The following CLEC16A variants were observed in gnomAD, a reference collection of about 807,000 sequenced individuals.
CLEC16A encodes protein CLEC16A.
In CLEC16A, 51 loss-of-function variants were observed where a neutral mutation model predicts 109.5. The observed-to-expected ratio is 0.47, with a 90% confidence interval of 0.37 to 0.59. The LOEUF (loss-of-function observed/expected upper bound fraction) is 0.59. Ranked by LOEUF, CLEC16A falls within the 20% of genes least tolerant of loss-of-function variation. The pLI is 0.00. For missense variants in CLEC16A, 1,339 were observed against 1,394.0 expected (o/e 0.96, Z 0.63); for synonymous variants, 673 against 564.2 (o/e 1.19, Z -2.73).
At position 11,166,433 on chromosome 16, in the gene CLEC16A, T is replaced by C. The variant is rs778274323; in HGVS notation, c.2687T>C (p.Leu896Pro). Residue 896 changes from leucine (L) to proline (P), a missense_variant, in exon 23 of 24, where the codon CTG (leucine) becomes CCG (proline). By Grantham distance (98) the Leu-to-Pro change is moderately conservative. Around this residue, in one of 3 missense-constraint regions of CLEC16A, gnomAD observed 1,061 missense variants for 1,006.8 expected, o/e 1.05. Transcript: ENST00000409790. ...QCINQHSSPS[L>P]SSQSPPSASG... Reference sequence around the variant, plus strand: ...ATAAACCAGCACAGCTCCCCGTCCCTGTCCTCACAGTCGCCACCCTCCGCC... The same window carrying C: ...ATAAACCAGCACAGCTCCCCGTCCCCGTCCTCACAGTCGCCACCCTCCGCC... 6 of 1,606,810 alleles carry C rather than the reference T, an allele frequency of 3.7e-6. No individual in the cohort carries two copies. Among genetic ancestry groups the C allele is most frequent in the Non-Finnish European group, 5.1e-6 (6 of 1,179,750 alleles).
intron 10 of CLEC16A, among the ~76,000 whole-genome samples, chr16:10,994,206 T>C (rs903278971): frequency 6.6e-6 from 1 of 152,246 alleles, no homozygotes; most frequent in Non-Finnish European, 1.5e-5. Context: ...TACCTTTGCA[T>C]GTTCCCCACT....
At chr16:11,071,989 T>C (rs1454988117) in intron 19 of CLEC16A, among the ~76,000 whole-genome samples, 3 of 152,158 alleles carry the variant, frequency 2.0e-5, no homozygotes, top group East Asian at 3.9e-4. Flanking sequence ...GGGTAAAGTG[T>C]CTGATGCCTA....
intron 19 of CLEC16A, among the ~76,000 whole-genome samples, chr16:11,120,332 C>A (rs1395380755): frequency 6.6e-6 from 1 of 152,218 alleles, no homozygotes; most frequent in East Asian, 1.9e-4. Context: ...TGGACAGATG[C>A]TTTATGTACT....
intron 10 of CLEC16A, among the ~76,000 whole-genome samples, chr16:10,986,801 C>G (rs1196731528): frequency 1.3e-5 from 2 of 150,022 alleles, no homozygotes; most frequent in African/African-American, 5.0e-5. Context: ...CTTTCTTTAT[C>G]CATTTATCCA....
At chr16:11,023,169 G>A (rs565081986) in intron 12 of CLEC16A, among the ~76,000 whole-genome samples, 5 of 147,370 alleles carry the variant, frequency 3.4e-5, no homozygotes, top group African/African-American at 7.5e-5. Context: ...AGCTTGGACC[G>A]TATTGTGTCT....
intron 18 of CLEC16A, among the ~76,000 whole-genome samples, chr16:11,058,085 C>G (rs537571940): frequency 6.6e-6 from 1 of 152,190 alleles, no homozygotes; most frequent in Admixed American, 6.5e-5. Context: ...GCCCAATGTG[C>G]CTACCAGGCC....
At chr16:11,145,659 T>C (rs1335796755) in intron 22 of CLEC16A, among the ~76,000 whole-genome samples, 1 of 152,238 alleles carries the variant, frequency 6.6e-6, no homozygotes, top group African/African-American at 2.4e-5. Context: ...CCCCCATCAG[T>C]CTTCCCTGGC....
At chr16:10,974,343 A>G (rs1208907682) in intron 7 of CLEC16A, among the ~76,000 whole-genome samples, 1 of 152,176 alleles carries the variant, frequency 6.6e-6, no homozygotes, top group Non-Finnish European at 1.5e-5. Context: ...ATACTTCAAT[A>G]AATCTCTTTT....
chr16:11,045,371 C>A (rs933726972), intron 16 of CLEC16A, among the ~76,000 whole-genome samples: 2 of 152,104 alleles, frequency 1.3e-5, no homozygotes, highest in Non-Finnish European at 2.9e-5. Context: ...AAGAAATTTA[C>A]TTCTGTCAGT....
chr16:11,168,600 C>T (rs1039368334), intron 23 of CLEC16A, among the ~76,000 whole-genome samples: 4 of 152,366 alleles, frequency 2.6e-5, no homozygotes, highest in African/African-American at 9.6e-5. Flanking sequence ...CAGGATGCAG[C>T]TATTGATCCC....
chr16:11,044,216 T>C, intron 16 of CLEC16A, 144 bp downstream of exon 16: 1 of 647,318 alleles, frequency 1.5e-6, no homozygotes, highest in East Asian at 3.2e-5. Flanking sequence ...CTCAATTTCA[T>C]AGTCCCTAGA....
At chr16:11,053,912 G>C (rs1467824747) in intron 18 of CLEC16A, among the ~76,000 whole-genome samples, 1 of 152,228 alleles carries the variant, frequency 6.6e-6, no homozygotes, top group African/African-American at 2.4e-5. Flanking sequence ...GGTCAAAGTG[G>C]GAAGAGACAG....
At chr16:11,175,293 A>T (rs2068701564) in intron 23 of CLEC16A, among the ~76,000 whole-genome samples, 1 of 152,152 alleles carries the variant, frequency 6.6e-6, no homozygotes, top group Non-Finnish European at 1.5e-5. Context: ...TCCGCTGCTT[A>T]TGGAAACGTG....
chr16:11,075,068 G>A (rs1297327148), intron 19 of CLEC16A, among the ~76,000 whole-genome samples: 1 of 152,156 alleles, frequency 6.6e-6, no homozygotes, highest in East Asian at 1.9e-4. Flanking sequence ...TCCGGCCTGG[G>A]CAATCGAGCA....
chr16:10,988,842 C>G (rs953419829), intron 10 of CLEC16A, among the ~76,000 whole-genome samples: 4 of 152,152 alleles, frequency 2.6e-5, no homozygotes, highest in Non-Finnish European at 5.9e-5. Flanking sequence ...GTGCTTACTC[C>G]AAAGCCTTTT....
chr16:10,956,067 G>A (rs967462613), intron 1 of CLEC16A, among the ~76,000 whole-genome samples: 2 of 152,206 alleles, frequency 1.3e-5, no homozygotes, highest in African/African-American at 4.8e-5. Context: ...TTCATCCCAG[G>A]GTGGTTCAAG....
intron 13 of CLEC16A, among the ~76,000 whole-genome samples, chr16:11,035,599 G>A (rs2046975219): frequency 6.6e-6 from 1 of 152,156 alleles, no homozygotes; most frequent in Non-Finnish European, 1.5e-5. Flanking sequence ...TTGAGCCTCA[G>A]CTTCCTCGTC....
At chr16:10,955,767 A>G (rs552148528) in intron 1 of CLEC16A, among the ~76,000 whole-genome samples, 3 of 152,306 alleles carry the variant, frequency 2.0e-5, no homozygotes, top group Admixed American at 6.5e-5. Context: ...CCCTTCTCCC[A>G]TATTGCCAAC....
In CLEC16A at chr16:11,141,736, G is replaced by T. The variant is rs1786338049; in HGVS notation, c.2641+15590G>T. ...GGTCTGGGATGTGGGAGGTGCCCTTGGCTAGCATGGTCAGTGATGGCGGTG... is the reference window on the plus strand; with the variant it reads ...GGTCTGGGATGTGGGAGGTGCCCTTTGCTAGCATGGTCAGTGATGGCGGTG... On this transcript the variant is annotated intron_variant, in intron 22 of 23. Transcript: ENST00000409790. Among the ~76,000 whole-genome samples, 3 of 152,228 alleles carry T rather than the reference G, an allele frequency of 2.0e-5. No homozygotes were observed. The South Asian group carries it at 6.2e-4, about 31-fold the overall frequency.
Sources: gnomAD v4.1 joint callset for allele counts (sites outside exome capture counted in the v4.1 genomes callset) on GRCh38, gnomAD v4.1.1 for gene constraint, gnomAD v4.1.1 regional missense constraint, MANE v1.5 for transcripts, NCBI Gene and HGNC (gene_info 2026-07-23, HGNC 2026-07-21) for gene names.